SATB1: variants seen among roughly 807,000 people sequenced by gnomAD.
SATB1 encodes the protein SATB homeobox 1.
In SATB1, 11 loss-of-function variants were observed where a neutral mutation model predicts 86.9. The observed-to-expected ratio is 0.13, with a 90% CI of 0.08 to 0.21. SATB1 has a LOEUF of 0.21. Among genes scored for constraint, SATB1 ranks in the 10% least tolerant of loss-of-function variants. SATB1 has a pLI of 1.00. For missense variants in SATB1, 551 were observed against 937.6 expected, an observed-to-expected ratio of 0.59 and a Z score of 5.39; for synonymous variants, 357 against 357.2, an observed-to-expected ratio of 1.00 and a Z score of 0.01.
intron 5 of SATB1, chr3:18,408,887 T>C (rs1697687872): frequency 6.6e-6 from 1 of 152,002 alleles, no homozygotes; most frequent in African/African-American, 2.4e-5. Context: ...TTTAAGTTGT[T>C]TTTTAAAACC....
intron 5 of SATB1, among the ~76,000 whole-genome samples, chr3:18,399,462 G>A (rs1222301903): frequency 2.0e-5 from 3 of 152,134 alleles, no homozygotes; most frequent in South Asian, 2.1e-4. Flanking sequence ...AGGGGACGAC[G>A]GAAGGAAGAA....
chr3:18,421,004 A>T lies in SATB1; in HGVS notation c.-24-13T>A. On this transcript the variant is annotated splice_polypyrimidine_tract_variant and intron_variant, in intron 1 of 10. Coordinates refer to ENST00000338745, the MANE Select transcript of SATB1 (RefSeq NM_002971.6). Reference sequence around the variant, plus strand: ...GTCTAAAGATCACCTGCCAGAATTTAAAAAGAAGACACGTTATAGTTGGGC... The same window carrying T: ...GTCTAAAGATCACCTGCCAGAATTTTAAAAGAAGACACGTTATAGTTGGGC... 6.3e-7 allele frequency: 1 copy of T among 1,600,000 alleles called. No homozygotes were observed. The highest frequency in any genetic ancestry group is 8.6e-7 in the Non-Finnish European group (1 of 1,167,396).
chr3:18,363,999 T>C (rs1015382992), intron 9 of SATB1, among the ~76,000 whole-genome samples: 2 of 117,534 alleles, frequency 1.7e-5, no homozygotes, highest in African/African-American at 9.3e-5. Context: ...CACTGCATCA[T>C]TGTTACCTCT....
At chr3:18,356,160 T>G (rs1032097001) in intron 9 of SATB1, among the ~76,000 whole-genome samples, 2 of 151,914 alleles carry the variant, frequency 1.3e-5, no homozygotes, top group African/African-American at 4.8e-5. Context: ...GATAATATGT[T>G]CAAACCTGTT....
At chr3:18,421,234 C>A in intron 1 of SATB1, 1 of 286,974 alleles carries the variant, frequency 3.5e-6, no homozygotes, top group South Asian at 9.3e-5. Flanking sequence ...AGATAACTGG[C>A]CTATAAAAAA....
intron 9 of SATB1, among the ~76,000 whole-genome samples, chr3:18,368,864 T>C (rs1695316279): frequency 6.6e-6 from 1 of 152,262 alleles, no homozygotes. Flanking sequence ...CCTCCTCCGC[T>C]CTTAGCTTTA....
intron 2 of SATB1, among the ~76,000 whole-genome samples, chr3:18,419,966 A>G (rs1698305253): frequency 6.6e-6 from 1 of 152,238 alleles, no homozygotes; most frequent in African/African-American, 2.4e-5. Context: ...TTGCTAAAAT[A>G]TAGCATTTTT....
chr3:18,391,380 A>T (rs11490682), intron 7 of SATB1, among the ~76,000 whole-genome samples: 27,212 of 150,112 alleles, frequency 0.18, 2,610 homozygotes, highest in East Asian at 0.44. Flanking sequence ...TTTTACATTA[A>T]TTTTTTTTTT....
At position 18,424,933 on chromosome 3, in the gene SATB1, GTGTT is replaced by G. The variant is rs202237060; in HGVS notation, c.-1335_-1332del. 1,553 of 155,188 alleles carry G rather than the reference GTGTT, an allele frequency of 0.01. 18 individuals carry two copies. Among genetic ancestry groups the G allele is most frequent in the African/African-American group, 0.032 (1,315 of 41,566 alleles). The allele number at this position is 155,188 out of a possible 1,614,324, so 9.6% of individuals were successfully genotyped here. ...GGGTGGCACAGGGAGAGGTGTGTGT[GTGTT>G]TGTGTGTGTGCGTGAGTGTGAGCGC... On this transcript the variant is annotated 5_prime_UTR_variant, in exon 1 of 11. An upstream open reading frame in the 5' UTR loses its in-frame stop. Transcript: ENST00000338745.
chr3:18,383,024 G>A (rs141949330), intron 8 of SATB1, among the ~76,000 whole-genome samples: 1 of 152,324 alleles, frequency 6.6e-6, no homozygotes, highest in East Asian at 1.9e-4. Context: ...CTTTTATCAA[G>A]TTAGGGTGTG....
upstream of SATB1, among the ~76,000 whole-genome samples, chr3:18,440,613 G>A (rs1462877266): frequency 1.3e-5 from 2 of 152,180 alleles, no homozygotes; most frequent in African/African-American, 2.4e-5. Flanking sequence ...GAAGTAGGAA[G>A]TGTTCATTCC....
At chr3:18,373,552 A>G (rs1476503281) in intron 9 of SATB1, among the ~76,000 whole-genome samples, 3 of 152,158 alleles carry the variant, frequency 2.0e-5, no homozygotes, top group Non-Finnish European at 4.4e-5. Flanking sequence ...TCTAGCCCCA[A>G]TGATTTGCGA....
chr3:18,355,220 A>T (rs780544596), intron 9 of SATB1, among the ~76,000 whole-genome samples: 11 of 152,060 alleles, frequency 7.2e-5, no homozygotes, highest in Non-Finnish European at 1.5e-4. Flanking sequence ...AATGGAAAAC[A>T]GACATTTTGA....
chr3:18,390,594 C>G (rs1372848511), intron 7 of SATB1, among the ~76,000 whole-genome samples: 1 of 152,068 alleles, frequency 6.6e-6, no homozygotes, highest in East Asian at 1.9e-4. Context: ...AACACAGTAG[C>G]AATTTCTGTT....
intron 8 of SATB1, among the ~76,000 whole-genome samples, chr3:18,379,978 G>A (rs767829332): frequency 6.6e-6 from 1 of 152,104 alleles, no homozygotes; most frequent in Non-Finnish European, 1.5e-5. Context: ...GGGCTTTGAA[G>A]CAATAATCTG....
chr3:18,443,017 C>G (rs1699280250), upstream of SATB1, among the ~76,000 whole-genome samples: 1 of 152,202 alleles, frequency 6.6e-6, no homozygotes, highest in Non-Finnish European at 1.5e-5. This position sits in a 1 kb window ranked among gnomAD's most constrained non-coding sequence, Gnocchi z 4.4. Flanking sequence ...CCTTGGTTTT[C>G]TTCAGACTTA....
intron 9 of SATB1, 86 bp downstream of exon 9, chr3:18,378,084 T>A: frequency 8.5e-7 from 1 of 1,177,404 alleles, no homozygotes; most frequent in Non-Finnish European, 1.2e-6. Flanking sequence ...GTGATGCAAG[T>A]TCATACTGAA....
intron 5 of SATB1, among the ~76,000 whole-genome samples, chr3:18,405,908 A>G (rs1697507949): frequency 6.6e-6 from 1 of 152,056 alleles, no homozygotes; most frequent in Non-Finnish European, 1.5e-5. Flanking sequence ...TTAGATCATA[A>G]AGAAAAATCA....
At chr3:18,396,826 C>T (rs898850258) in intron 6 of SATB1, among the ~76,000 whole-genome samples, 4 of 151,834 alleles carry the variant, frequency 2.6e-5, no homozygotes, top group Admixed American at 1.3e-4. Context: ...TTCAACCAGA[C>T]AAAAACAAAA....
Sources: allele counts gnomAD v4.1 joint callset (sites outside exome capture counted in the v4.1 genomes callset), GRCh38; gene constraint gnomAD v4.1.1; non-coding constraint Gnocchi (gnomAD v3.1); transcripts MANE v1.5; gene names NCBI Gene and HGNC (gene_info 2026-07-23, HGNC 2026-07-21).